PTGR2: variants seen among roughly 807,000 people sequenced by gnomAD.
PTGR2 encodes prostaglandin reductase 2.
A neutral mutation model predicts 43.4 loss-of-function variants in PTGR2; 32 were observed. That is an observed-to-expected ratio of 0.74 (90% CI 0.56 to 0.99). The LOEUF is 0.99. Ranked by LOEUF, PTGR2 falls within the 50% of genes least tolerant of loss-of-function variation. PTGR2 has a pLI of 0.00. For synonymous variants in PTGR2, 106 were observed against 139.2 expected, an observed-to-expected ratio of 0.76 and a Z score of 1.68; for missense variants, 373 against 420.0, an observed-to-expected ratio of 0.89 and a Z score of 0.98.
intron 4 of PTGR2, 81 bp downstream of exon 4, chr14:73,874,295 A>C (rs1033030878): frequency 2.7e-6 from 3 of 1,131,056 alleles, no homozygotes; most frequent in Non-Finnish European, 3.8e-6. Context: ...TTGTGTTTGT[A>C]ATCAGGGAAA....
At chr14:73,860,869 T>C (rs1310794582) in intron 3 of PTGR2, among the ~76,000 whole-genome samples, 1 of 152,144 alleles carries the variant, frequency 6.6e-6, no homozygotes, top group Non-Finnish European at 1.5e-5. Flanking sequence ...AGTACATGTA[T>C]GTGATTCAGG....
chr14:73,883,992 C>A, intron 9 of PTGR2, 109 bp from the exon 10 acceptor site: 1 of 710,140 alleles, frequency 1.4e-6, no homozygotes, highest in Non-Finnish European at 2.4e-6. Flanking sequence ...GCTTAATATT[C>A]AAAATCATTG....
chr14:73,866,192 G>A (rs745871251), intron 3 of PTGR2, among the ~76,000 whole-genome samples: 20 of 152,024 alleles, frequency 1.3e-4, no homozygotes, highest in Non-Finnish European at 2.4e-4. Flanking sequence ...TAGCAGAGAC[G>A]GGGTTTCACC....
chr14:73,869,886 C>T (rs1029343995), intron 3 of PTGR2, among the ~76,000 whole-genome samples: 2 of 152,042 alleles, frequency 1.3e-5, no homozygotes, highest in African/African-American at 2.4e-5. Flanking sequence ...ATTAGCCAGG[C>T]GTGGTGGCAT....
At chr14:73,871,341 C>CTTTTTTTTTTTTTTTTTTTTTTTTT (rs869073652) in intron 3 of PTGR2, among the ~76,000 whole-genome samples, 39 of 67,864 alleles carry the variant, frequency 5.7e-4, no homozygotes, top group African/African-American at 1.0e-3. Flanking sequence ...GGCTGTTCAT[C>CTTTTTTTTTTTTTTTTTTTTTTTTT]TTTTTTTTTT....
At chr14:73,875,179 T>C (rs2054830328) in intron 4 of PTGR2, among the ~76,000 whole-genome samples, 1 of 151,164 alleles carries the variant, frequency 6.6e-6, no homozygotes, top group South Asian at 2.1e-4. Context: ...AAACTTGTTG[T>C]AGAAACAAGA....
chr14:73,853,018 C>G (rs56204121), intron 1 of PTGR2, among the ~76,000 whole-genome samples: 74,200 of 151,574 alleles, frequency 0.49, 18,351 homozygotes, highest in South Asian at 0.61. Flanking sequence ...GCGGGGTTTT[C>G]CCATGTTGGC....
rs995947217 is a variant in PTGR2 at position 73,858,749 on chromosome 14, C to T, written c.-47-67C>T. On this transcript the variant is annotated intron_variant, in intron 1 of 9. Transcript: ENST00000555661. ...CTCTTCATTGGGAAACACAAATGGA[C>T]TTCTTTTTTATTTTTAAATTGTTGA... 61 of 706,430 alleles carry T rather than the reference C, an allele frequency of 8.6e-5. No individual in the cohort carries two copies. In the African/African-American group the frequency reaches 1.0e-3, roughly 12 times the overall value. 43.8% of individuals were successfully genotyped at this position (706,430 alleles called of 1,614,324 possible). A position where few individuals can be genotyped will look rare whatever the true frequency, so the allele number is the denominator to read the frequency against.
At chr14:73,872,493 T>A (rs1051123262) in intron 3 of PTGR2, among the ~76,000 whole-genome samples, 3 of 152,210 alleles carry the variant, frequency 2.0e-5, no homozygotes, top group Admixed American at 1.3e-4. Context: ...TTTGTATTAT[T>A]TTTTGCTGGT....
chr14:73,867,088 CAAAAAA>C (rs200945001), intron 3 of PTGR2, among the ~76,000 whole-genome samples: 2 of 100,092 alleles, frequency 2.0e-5, no homozygotes, highest in Non-Finnish European at 3.9e-5. Context: ...GACTCTGTCT[CAAAAAA>C]AAAAAAAAAA....
intron 3 of PTGR2, among the ~76,000 whole-genome samples, chr14:73,872,954 G>GT (rs1218808155): frequency 6.7e-6 from 1 of 150,372 alleles, no homozygotes; most frequent in African/African-American, 2.5e-5. Flanking sequence ...TCCAGCCTGG[G>GT]TGACAGAGAC....
In PTGR2 at chr14:73,880,062, A is replaced by G; in HGVS notation, c.737A>G (p.Glu246Gly). 1 of 1,613,830 alleles carries G rather than the reference A, an allele frequency of 6.2e-7. No homozygotes were observed. The highest frequency in any genetic ancestry group is 8.5e-7 in the Non-Finnish European group (1 of 1,179,758). Residue 246 changes from glutamate (E) to glycine (G), a missense_variant, in exon 7 of 10, where the codon GAG becomes GGG. Glu to Gly is a moderately conservative substitution (Grantham distance 98). Transcript: ENST00000555661. ...ISDTVISQMN[E>G]NSHIILCGQI... ...TTATTTTTCTCTGTGCAGATGAATG[A>G]GAACAGCCACATCATCCTGTGTGGT...
rs775846553 is a variant in PTGR2 at position 73,880,140 on chromosome 14, C to CT, written c.816dup (p.Ile273TyrfsTer21). Reference sequence around the variant, plus strand: ...CCTTATCCTCCCCCGCTATCCCCTGCTATAGAGGCAATCCAGAAAGAAAGA... The same window carrying CT: ...CCTTATCCTCCCCCGCTATCCCCTGCTTATAGAGGCAATCCAGAAAGAAAGA... On this transcript the variant is annotated frameshift_variant, in exon 7 of 10. Transcript: ENST00000555661. The CT allele has an allele frequency of 8.1e-6, 13 of 1,613,948 alleles. No individual in the cohort carries two copies. The East Asian group carries it at 2.9e-4, about 36-fold the overall frequency.
At chr14:73,853,777 ACTTTT>A (rs1378359149) in intron 1 of PTGR2, among the ~76,000 whole-genome samples, 1 of 146,774 alleles carries the variant, frequency 6.8e-6, no homozygotes, top group Non-Finnish European at 1.5e-5. Context: ...GAGAGAAGGG[ACTTTT>A]TCCAAGTTCC....
At chr14:73,857,757 C>T (rs928146805) in intron 1 of PTGR2, among the ~76,000 whole-genome samples, 58 of 141,648 alleles carry the variant, frequency 4.1e-4, no homozygotes, top group African/African-American at 1.5e-3. Context: ...CAAGCTCCGC[C>T]TCCCGGGTCC....
chr14:73,857,615 C>A lies in PTGR2; in HGVS notation c.-47-1201C>A, dbSNP rs372783820. 4.0e-4 allele frequency among the ~76,000 whole-genome samples: 43 copies of A among 108,404 alleles called. 1 individual carries two copies. The highest frequency in any genetic ancestry group is 1.3e-3 in the African/African-American group (40 of 30,518). 71.1% of individuals were successfully genotyped at this position (108,404 alleles called of 152,430 possible). ...GGTGACAGAGTAAGATTCTGTCCCC[C>A]ACTCCAAAAAAAAAATTTTTTTGAT... On this transcript the variant is annotated intron_variant, in intron 1 of 9. Transcript: ENST00000555661.
At chr14:73,863,568 A>G (rs2054540325) in intron 3 of PTGR2, among the ~76,000 whole-genome samples, 1 of 151,648 alleles carries the variant, frequency 6.6e-6, no homozygotes. Flanking sequence ...TTATTTAGAG[A>G]TGAGTTCTGT....
intron 3 of PTGR2, among the ~76,000 whole-genome samples, chr14:73,868,733 T>C (rs2054658577): frequency 6.6e-6 from 1 of 151,942 alleles, no homozygotes; most frequent in Non-Finnish European, 1.5e-5. Flanking sequence ...TACTCAAGGT[T>C]ACCTACCCTG....
At chr14:73,857,664 G>GTTCTTTTTTTTT (rs2054383414) in intron 1 of PTGR2, among the ~76,000 whole-genome samples, 1 of 64,696 alleles carries the variant, frequency 1.5e-5, no homozygotes, top group Non-Finnish European at 2.7e-5. Flanking sequence ...AGCAGTTAGT[G>GTTCTTTTTTTTT]TTTTTTTTTT....
Sources: gnomAD v4.1 joint callset for allele counts (sites outside exome capture counted in the v4.1 genomes callset) on GRCh38, gnomAD v4.1.1 for gene constraint, MANE v1.5 for transcripts, NCBI Gene and HGNC (gene_info 2026-07-23, HGNC 2026-07-21) for gene names.